Variants in CSTF3 observed in about 807,000 individuals in gnomAD.
The protein encoded by CSTF3 is CF-1 77 kDa subunit.
Under a neutral mutation model 105.8 loss-of-function variants are expected in CSTF3, and 29 were observed. The ratio of observed to expected loss-of-function variants is 0.27; its 90% CI spans 0.20 to 0.37. CSTF3 has a LOEUF of 0.37. Ranked by LOEUF, CSTF3 falls within the 10% of genes least tolerant of loss-of-function variation. The pLI is 1.00. For synonymous variants in CSTF3, 252 were observed against 281.9 expected (o/e 0.89, Z 1.06); for missense variants, 357 against 879.3 (o/e 0.41, Z 7.51).
chr11:33,150,034 A>AAAC (rs113266998), intron 1 of CSTF3, among the ~76,000 whole-genome samples: 49,214 of 148,216 alleles, frequency 0.33, 9,308 homozygotes, highest in Middle Eastern at 0.46. Flanking sequence ...CAAAACAAAC[A>AAAC]AACAACAACA....
chr11:33,151,368 T>C (rs1159705821), intron 1 of CSTF3, among the ~76,000 whole-genome samples: 1 of 151,992 alleles, frequency 6.6e-6, no homozygotes. Context: ...TTATAATTTA[T>C]AGAGATGGGG....
intron 3 of CSTF3, among the ~76,000 whole-genome samples, chr11:33,129,025 A>G (rs978742956): frequency 3.9e-5 from 6 of 152,342 alleles, no homozygotes; most frequent in South Asian, 4.1e-4. Context: ...TGGAAAAGTT[A>G]ATAAATTTTA....
intron 3 of CSTF3, among the ~76,000 whole-genome samples, chr11:33,114,246 G>C (rs1308690607): frequency 6.6e-6 from 1 of 152,066 alleles, no homozygotes; most frequent in African/African-American, 2.4e-5. Context: ...TATTTATATT[G>C]AGATCTAAAG....
At chr11:33,132,912 C>A (rs1184731881) in intron 3 of CSTF3, among the ~76,000 whole-genome samples, 1 of 151,848 alleles carries the variant, frequency 6.6e-6, no homozygotes, top group Non-Finnish European at 1.5e-5. Context: ...ATATAGATAT[C>A]CATTTCCTAT....
At chr11:33,154,511 T>G (rs1343384865) in intron 1 of CSTF3, among the ~76,000 whole-genome samples, 1 of 140,018 alleles carries the variant, frequency 7.1e-6, no homozygotes, top group Non-Finnish European at 1.6e-5. Context: ...TTTTTTTTTT[T>G]TTTGAGATGA....
chr11:33,101,064 C>T (rs904650485), intron 10 of CSTF3, among the ~76,000 whole-genome samples: 1 of 152,154 alleles, frequency 6.6e-6, no homozygotes, highest in African/African-American at 2.4e-5. Context: ...CTTAAAAAGA[C>T]AGAACAACAC....
At chr11:33,132,665 A>G (rs1855611479) in intron 3 of CSTF3, among the ~76,000 whole-genome samples, 1 of 152,222 alleles carries the variant, frequency 6.6e-6, no homozygotes, top group Non-Finnish European at 1.5e-5. Context: ...TGGATAAGCA[A>G]TCTGACATCT....
intron 1 of CSTF3, among the ~76,000 whole-genome samples, chr11:33,145,823 CA>C (rs951101877): frequency 2.7e-5 from 4 of 150,668 alleles, no homozygotes; most frequent in Non-Finnish European, 5.9e-5. Context: ...CAAAAACAAA[CA>C]AAAAAAAGAA....
In CSTF3 at chr11:33,099,008, A is replaced by G. The variant is rs369145220; in HGVS notation, c.1053+26T>C. The G allele has an allele frequency of 6.4e-7, 1 of 1,554,666 alleles. No individual in the cohort carries two copies. Among genetic ancestry groups the G allele is most frequent in the African/African-American group, 1.4e-5 (1 of 71,410 alleles). Reference sequence around the variant, plus strand: ...TCCTGCACTAAAAAATTGAATTATAAGAAGGCTCTAAACATTTTTACTTAC... The same window carrying G: ...TCCTGCACTAAAAAATTGAATTATAGGAAGGCTCTAAACATTTTTACTTAC... On this transcript the variant is annotated intron_variant, in intron 12 of 20. Coordinates refer to ENST00000323959, the MANE Select transcript of CSTF3 (RefSeq NM_001326.3). The surrounding 1 kb of genome is among the most constrained non-coding windows in gnomAD (Gnocchi z 4.1).
intron 3 of CSTF3, among the ~76,000 whole-genome samples, chr11:33,110,058 C>A (rs1425752412): frequency 6.6e-6 from 1 of 152,166 alleles, no homozygotes; most frequent in African/African-American, 2.4e-5. Context: ...GTTCATATTA[C>A]TTTGTTCCAG....
chr11:33,135,210 G>C (rs554004217), intron 3 of CSTF3, among the ~76,000 whole-genome samples: 1 of 152,278 alleles, frequency 6.6e-6, no homozygotes, highest in East Asian at 1.9e-4. Context: ...AGTTAAAACA[G>C]CGTAACCCTA....
intron 1 of CSTF3, among the ~76,000 whole-genome samples, chr11:33,149,292 A>G (rs1855826778): frequency 6.6e-6 from 1 of 152,246 alleles, no homozygotes. Context: ...TGTTCGTAAC[A>G]CAATCTATAC....
intron 20 of CSTF3, 107 bp from the exon 21 acceptor site, chr11:33,085,396 G>A: frequency 1.1e-6 from 1 of 890,100 alleles, no homozygotes; most frequent in Non-Finnish European, 1.7e-6. Context: ...AGCAAAACAT[G>A]GGATAGTACT....
chr11:33,156,831 A>T (rs994311870), intron 1 of CSTF3: 9 of 368,248 alleles, frequency 2.4e-5, no homozygotes, highest in South Asian at 4.2e-5. Context: ...AATTTTTTTT[A>T]AAAGATGCAA....
Position 33,099,382 on chromosome 11 carries a change from G to A in CSTF3, c.936+226C>T, listed in dbSNP as rs1021855360. Among the ~76,000 whole-genome samples the A allele has an allele frequency of 7.9e-5, 12 of 152,060 alleles. No individual in the cohort carries two copies. Among genetic ancestry groups the A allele is most frequent in the African/African-American group, 2.4e-4 (10 of 41,402 alleles). On this transcript the variant is annotated intron_variant, in intron 11 of 20. Coordinates refer to ENST00000323959, the MANE Select transcript of CSTF3 (RefSeq NM_001326.3). This position sits in a 1 kb window ranked among gnomAD's most constrained non-coding sequence, Gnocchi z 4.1. ...TTATTTTAACTTACAAAATAACCAT[G>A]CAAGTACTCTAAATGATTCATTACT...
intron 1 of CSTF3, among the ~76,000 whole-genome samples, chr11:33,143,460 T>C (rs1167130413): frequency 6.6e-6 from 1 of 152,172 alleles, no homozygotes; most frequent in Admixed American, 6.5e-5. Flanking sequence ...TAAATGTTAA[T>C]TTATACAGGC....
At chr11:33,095,062 C>A (rs779636153) in intron 15 of CSTF3, among the ~76,000 whole-genome samples, 1 of 152,112 alleles carries the variant, frequency 6.6e-6, no homozygotes, top group Non-Finnish European at 1.5e-5. Flanking sequence ...CCACGCCCAG[C>A]TAATTTTTTA....
intron 1 of CSTF3, among the ~76,000 whole-genome samples, chr11:33,152,572 A>G (rs1471092292): frequency 3.3e-5 from 5 of 152,228 alleles, no homozygotes; most frequent in African/African-American, 1.2e-4. Context: ...ACTAACTCAG[A>G]GAAATAGAAC....
At chr11:33,095,786 C>A (rs1246721867) in intron 15 of CSTF3, among the ~76,000 whole-genome samples, 2 of 149,810 alleles carry the variant, frequency 1.3e-5, no homozygotes, top group Non-Finnish European at 3.0e-5. Context: ...TGCGCCACTG[C>A]ACTCCAGCCT....
Sources: allele counts gnomAD v4.1 joint callset (sites outside exome capture counted in the v4.1 genomes callset), GRCh38; gene constraint gnomAD v4.1.1; non-coding constraint Gnocchi (gnomAD v3.1); transcripts MANE v1.5; gene names NCBI Gene and HGNC (gene_info 2026-07-23, HGNC 2026-07-21).